Variants in TASP1 observed in about 807,000 individuals in gnomAD.
The protein encoded by TASP1 is taspase 1.
In TASP1, 16 loss-of-function variants were observed where a neutral mutation model predicts 56.6. That is an observed-to-expected ratio of 0.28 (90% CI 0.19 to 0.43). TASP1 has a LOEUF of 0.43. Ranked by LOEUF, TASP1 falls within the 20% of genes least tolerant of loss-of-function variation. The probability of loss-of-function intolerance (pLI) is 1.00; values close to 1 mark genes in which losing one functional copy is unlikely to be tolerated. For synonymous variants in TASP1, 179 were observed against 184.2 expected (o/e 0.97, Z 0.23); for missense variants, 393 against 511.6 (o/e 0.77, Z 2.24).
At chr20:13,380,337 C>T in the TASP1 span, among the ~76,000 whole-genome samples, 3 of 152,198 alleles carry the variant, frequency 2.0e-5, no homozygotes, top group African/African-American at 7.2e-5. Flanking sequence ...GGCCTCTCTG[C>T]TGCAGGTCTG....
the TASP1 span, among the ~76,000 whole-genome samples, chr20:13,332,011 A>G: frequency 3.3e-5 from 5 of 152,124 alleles, no homozygotes; most frequent in African/African-American, 1.2e-4. Flanking sequence ...TGAAGAAATG[A>G]CCGTAAGTGG....
the TASP1 span, among the ~76,000 whole-genome samples, chr20:13,360,066 C>G: frequency 6.6e-6 from 1 of 152,096 alleles, no homozygotes; most frequent in South Asian, 2.1e-4. Flanking sequence ...ACCAGACAAG[C>G]CTTACAACTT....
chr20:13,242,418 C>T, the TASP1 span, among the ~76,000 whole-genome samples: 38,114 of 151,836 alleles, frequency 0.25, 4,823 homozygotes, highest in African/African-American at 0.3. Context: ...AGGAGTTAGC[C>T]ATGGAACCAA....
rs1042280857 is a variant in TASP1 at position 13,434,056 on chromosome 20, T to C, written c.1096+988A>G. 1.1e-4 allele frequency among the ~76,000 whole-genome samples: 17 copies of C among 152,262 alleles called. 1 individual carries two copies. Among genetic ancestry groups the C allele is most frequent in the African/African-American group, 3.8e-4 (16 of 41,562 alleles). On this transcript the variant is annotated intron_variant, in intron 12 of 13. Coordinates refer to ENST00000337743, the MANE Select transcript of TASP1 (RefSeq NM_017714.3). ...TAAAACCAGGCAGAACTAACCATGG[T>C]GTTAAAAGTGAGCATACTGTTTAAC...
At chr20:13,507,922 C>A (rs1337748374) in intron 10 of TASP1, among the ~76,000 whole-genome samples, 1 of 152,056 alleles carries the variant, frequency 6.6e-6, no homozygotes, top group Non-Finnish European at 1.5e-5. Context: ...TAGAAATAAA[C>A]CCACACATAC....
chr20:13,419,551 A>T (rs1002385760), intron 12 of TASP1, among the ~76,000 whole-genome samples: 1 of 152,188 alleles, frequency 6.6e-6, no homozygotes, highest in Admixed American at 6.5e-5. Context: ...GTTGTAATGT[A>T]CTCCAATAAA....
At chr20:13,276,914 A>C in the TASP1 span, among the ~76,000 whole-genome samples, 7 of 152,184 alleles carry the variant, frequency 4.6e-5, no homozygotes, top group Non-Finnish European at 1.0e-4. Context: ...TGAGGTTTTC[A>C]CTTTGTTAAC....
the TASP1 span, among the ~76,000 whole-genome samples, chr20:13,370,435 T>C: frequency 2.0e-5 from 3 of 152,294 alleles, no homozygotes; most frequent in South Asian, 4.1e-4. Context: ...ACAACAGCTA[T>C]ATACATAAAA....
the TASP1 span, among the ~76,000 whole-genome samples, chr20:13,251,845 C>T: frequency 5.3e-5 from 8 of 152,050 alleles, no homozygotes; most frequent in Admixed American, 3.3e-4. Context: ...AACTTGGAGC[C>T]GAACTCTTAG....
chr20:13,632,549 G>A (rs1181096759), intron 1 of TASP1, among the ~76,000 whole-genome samples: 2 of 152,030 alleles, frequency 1.3e-5, no homozygotes, highest in African/African-American at 4.8e-5. Context: ...CATTTCTTGA[G>A]CAATCTACTC....
At chr20:13,400,027 C>T (rs558716093) in intron 13 of TASP1, among the ~76,000 whole-genome samples, 15 of 152,288 alleles carry the variant, frequency 9.8e-5, no homozygotes, top group South Asian at 2.1e-4. Context: ...ACCTACCTAA[C>T]GCTGGAATCC....
the TASP1 span, among the ~76,000 whole-genome samples, chr20:13,214,822 T>C: frequency 6.6e-6 from 1 of 152,204 alleles, no homozygotes; most frequent in Non-Finnish European, 1.5e-5. Context: ...GTTCATTCAA[T>C]TATGCTTGCA....
intron 4 of TASP1, among the ~76,000 whole-genome samples, chr20:13,604,535 T>G (rs534645399): frequency 1.8e-4 from 28 of 152,348 alleles, no homozygotes; most frequent in African/African-American, 6.7e-4. Flanking sequence ...ACCTCTTTTC[T>G]TTATAAATTA....
At chr20:13,280,339 GA>G in the TASP1 span, among the ~76,000 whole-genome samples, 1 of 149,758 alleles carries the variant, frequency 6.7e-6, no homozygotes, top group African/African-American at 2.5e-5. Context: ...ACTGGCAGTG[GA>G]GTGGTCCTTG....
the TASP1 span, chr20:13,221,937 C>A: frequency 7.6e-7 from 1 of 1,315,790 alleles, no homozygotes. Flanking sequence ...CCGGAGAGGG[C>A]CGTGCGCGGC....
At chr20:13,471,592 T>C (rs2044494356) in intron 11 of TASP1, among the ~76,000 whole-genome samples, 1 of 152,114 alleles carries the variant, frequency 6.6e-6, no homozygotes, top group Non-Finnish European at 1.5e-5. Context: ...CCAATCTAGT[T>C]CTATTTCTCT....
the TASP1 span, chr20:13,153,951 A>T: frequency 6.2e-7 from 1 of 1,602,004 alleles, no homozygotes; most frequent in Non-Finnish European, 8.5e-7. Context: ...CCGGACCTTT[A>T]CTTCCCTCTT....
At chr20:13,153,426 C>T in the TASP1 span, among the ~76,000 whole-genome samples, 2 of 152,120 alleles carry the variant, frequency 1.3e-5, no homozygotes, top group Non-Finnish European at 2.9e-5. Context: ...CTCTTTCCTC[C>T]CTTCTATTAG....
the TASP1 span, among the ~76,000 whole-genome samples, chr20:13,142,159 G>A: frequency 1.3e-5 from 2 of 152,180 alleles, no homozygotes; most frequent in Non-Finnish European, 2.9e-5. Flanking sequence ...CAGTTGATTT[G>A]AGTCTTTAAA....
Sources: gnomAD v4.1 joint callset for allele counts (sites outside exome capture counted in the v4.1 genomes callset) on GRCh38, gnomAD v4.1.1 for gene constraint, MANE v1.5 for transcripts, NCBI Gene and HGNC (gene_info 2026-07-23, HGNC 2026-07-21) for gene names.